AGBL1: variants seen among roughly 807,000 people sequenced by gnomAD.
AGBL1 encodes cytosolic carboxypeptidase 4.
In AGBL1, 130 loss-of-function variants were observed where a neutral mutation model predicts 118.9. The ratio of observed to expected loss-of-function variants is 1.09; its 90% CI spans 0.95 to 1.26. AGBL1 has a LOEUF of 1.26. AGBL1 is among the 50% of genes most tolerant of loss of function. The probability of loss-of-function intolerance (pLI) is 0.00; values close to 1 mark genes in which losing one functional copy is unlikely to be tolerated. For missense variants in AGBL1, 1,584 were observed against 1,298.1 expected (o/e 1.22, Z -3.38); for synonymous variants, 555 against 478.9 (o/e 1.16, Z -2.08).
At chr15:86,678,244 T>TA (rs1347409578) in intron 22 of AGBL1, among the ~76,000 whole-genome samples, 1 of 152,144 alleles carries the variant, frequency 6.6e-6, no homozygotes, top group Non-Finnish European at 1.5e-5. Flanking sequence ...TTATATTTTT[T>TA]ACCTATGGAT....
chr15:86,974,776 A>T (rs1442631185), intron 23 of AGBL1, among the ~76,000 whole-genome samples: 4 of 151,704 alleles, frequency 2.6e-5, no homozygotes, highest in Non-Finnish European at 5.9e-5. Flanking sequence ...AGCCAGATCA[A>T]AAACAGAATC....
At chr15:86,458,691 A>G (rs1407347271) in intron 18 of AGBL1, among the ~76,000 whole-genome samples, 3 of 152,174 alleles carry the variant, frequency 2.0e-5, no homozygotes, top group Non-Finnish European at 2.9e-5. Flanking sequence ...AAGAGATGAG[A>G]ACATTAAGGC....
intron 24 of AGBL1, among the ~76,000 whole-genome samples, chr15:86,994,154 T>C (rs1358015395): frequency 6.6e-6 from 1 of 151,858 alleles, no homozygotes; most frequent in Non-Finnish European, 1.5e-5. Flanking sequence ...AGGAACTGAG[T>C]TTTGATGGGA....
At chr15:86,456,313 A>G (rs2082257774) in intron 18 of AGBL1, among the ~76,000 whole-genome samples, 1 of 152,242 alleles carries the variant, frequency 6.6e-6, no homozygotes. Flanking sequence ...AAGCTATCTT[A>G]CATATTCCAT....
chr15:86,394,184 AACC>A (rs2081329545), intron 17 of AGBL1, among the ~76,000 whole-genome samples: 1 of 152,140 alleles, frequency 6.6e-6, no homozygotes, highest in African/African-American at 2.4e-5. Context: ...CTGGAATTTG[AACC>A]CTGGAAATAC....
chr15:86,781,948 G>A (rs772300781), intron 22 of AGBL1, among the ~76,000 whole-genome samples: 1 of 151,174 alleles, frequency 6.6e-6, no homozygotes, highest in Admixed American at 6.6e-5. Context: ...ACTTTTTATC[G>A]AGAAGTTTCT....
chr15:86,741,303 T>A (rs1280677715), intron 22 of AGBL1, among the ~76,000 whole-genome samples: 2 of 140,164 alleles, frequency 1.4e-5, no homozygotes, highest in African/African-American at 2.7e-5. Context: ...CACATCAGGT[T>A]ACAGAAAATG....
At chr15:86,894,781 T>C (rs1048628350) in intron 22 of AGBL1, among the ~76,000 whole-genome samples, 3 of 152,098 alleles carry the variant, frequency 2.0e-5, no homozygotes, top group African/African-American at 7.2e-5. Context: ...AAGAGAGTGG[T>C]CCAACAAAGT....
chr15:86,509,031 G>A (rs1228685866), intron 18 of AGBL1, among the ~76,000 whole-genome samples: 8 of 152,180 alleles, frequency 5.3e-5, no homozygotes, highest in Non-Finnish European at 1.0e-4. Flanking sequence ...AGGCTTGTTC[G>A]TCATCTGATA....
At position 86,122,236 on chromosome 15, in the gene AGBL1, T is replaced by C. The variant is rs544797486; in HGVS notation, c.52-19768T>C. Among the ~76,000 whole-genome samples, 4 of 152,266 alleles carry C rather than the reference T, an allele frequency of 2.6e-5. No homozygotes were observed. The East Asian group carries it at 7.7e-4, about 29-fold the overall frequency. On this transcript the variant is annotated intron_variant, in intron 1 of 22. Transcript: ENST00000614907. Reference sequence around the variant, plus strand: ...AGATTGAGTGTTGTACAGGGTCCTGTTGCAAACGGAGTAATGGGCATATGT... The same window carrying C: ...AGATTGAGTGTTGTACAGGGTCCTGCTGCAAACGGAGTAATGGGCATATGT...
At chr15:87,015,476 A>G (rs914009082) in intron 24 of AGBL1, among the ~76,000 whole-genome samples, 5 of 150,854 alleles carry the variant, frequency 3.3e-5, no homozygotes, top group African/African-American at 1.2e-4. Context: ...AGGTAAGGGC[A>G]ATGATATGGA....
At chr15:86,659,730 C>A (rs2085510954) in intron 21 of AGBL1, among the ~76,000 whole-genome samples, 1 of 152,152 alleles carries the variant, frequency 6.6e-6, no homozygotes, top group Admixed American at 6.5e-5. Flanking sequence ...GCAGACAGGA[C>A]TAACTGGAAA....
At chr15:86,149,385 C>T (rs972563487) in intron 3 of AGBL1, among the ~76,000 whole-genome samples, 6 of 152,094 alleles carry the variant, frequency 3.9e-5, no homozygotes, top group African/African-American at 1.4e-4. Flanking sequence ...GGAGACCCAT[C>T]TCACATGCAA....
chr15:86,340,297 C>A (rs573308060), intron 17 of AGBL1, among the ~76,000 whole-genome samples: 2 of 151,294 alleles, frequency 1.3e-5, no homozygotes, highest in South Asian at 2.1e-4. Context: ...CTCCACTGCC[C>A]CCCCCCCATT....
intron 15 of AGBL1, among the ~76,000 whole-genome samples, chr15:86,277,042 G>A (rs991184273): frequency 1.3e-5 from 2 of 152,134 alleles, no homozygotes; most frequent in African/African-American, 2.4e-5. Flanking sequence ...CAGTGGGGAT[G>A]CCTGACATTT....
At chr15:87,017,683 G>A (rs2081621358) in intron 24 of AGBL1, among the ~76,000 whole-genome samples, 1 of 152,114 alleles carries the variant, frequency 6.6e-6, no homozygotes, top group African/African-American at 2.4e-5. Context: ...ACCCCACAAA[G>A]ATGAGAAAGA....
At chr15:86,196,432 G>C (rs542401286) in intron 5 of AGBL1, among the ~76,000 whole-genome samples, 1 of 152,280 alleles carries the variant, frequency 6.6e-6, no homozygotes, top group African/African-American at 2.4e-5. Context: ...TAGGTGTGAA[G>C]AAACTTGTCT....
intron 21 of AGBL1, among the ~76,000 whole-genome samples, chr15:86,590,650 G>C (rs554281885): frequency 6.6e-6 from 1 of 152,196 alleles, no homozygotes; most frequent in Non-Finnish European, 1.5e-5. Flanking sequence ...AACCCTCAGA[G>C]ACAATAGATA....
chr15:86,794,998 G>A (rs1398743125), intron 22 of AGBL1, among the ~76,000 whole-genome samples: 2 of 151,874 alleles, frequency 1.3e-5, no homozygotes, highest in Admixed American at 6.5e-5. Flanking sequence ...AATTGCCAAA[G>A]GGGGAAAATA....
Sources: gnomAD v4.1 joint callset for allele counts (sites outside exome capture counted in the v4.1 genomes callset) on GRCh38, gnomAD v4.1.1 for gene constraint, MANE v1.5 for transcripts, NCBI Gene and HGNC (gene_info 2026-07-23, HGNC 2026-07-21) for gene names.